The following B3GAT2 variants were observed in gnomAD, a reference collection of about 807,000 sequenced individuals.
The protein encoded by B3GAT2 is galactosylgalactosylxylosylprotein 3-beta-glucuronosyltransferase 2.
B3GAT2 carries 26 observed loss-of-function variants against 27.8 expected under a neutral mutation model. The observed-to-expected ratio is 0.93, with a 90% CI of 0.68 to 1.30. The LOEUF is 1.30. Among genes scored for constraint, B3GAT2 ranks in the 50% most tolerant of loss-of-function variants. The pLI is 0.00. For missense variants in B3GAT2, 458 were observed against 459.0 expected, an observed-to-expected ratio of 1.00 and a Z score of 0.02; for synonymous variants, 218 against 195.1, an observed-to-expected ratio of 1.12 and a Z score of -0.98.
intron 1 of B3GAT2, among the ~76,000 whole-genome samples, chr6:70,946,727 G>T (rs191864553): frequency 6.6e-6 from 1 of 152,052 alleles, no homozygotes; most frequent in South Asian, 2.1e-4. Context: ...TGCACCAAGC[G>T]GACCTAATAC....
At chr6:70,883,095 T>C (rs1421035351) in intron 2 of B3GAT2, among the ~76,000 whole-genome samples, 1 of 152,168 alleles carries the variant, frequency 6.6e-6, no homozygotes, top group African/African-American at 2.4e-5. Context: ...AGTGAGGATA[T>C]GGAGAATCTG....
rs1043161669 is a variant in B3GAT2, at chr6:70,937,141, G to A, written c.591+18698C>T. On this transcript the variant is annotated intron_variant, in intron 1 of 3. Coordinates refer to ENST00000230053, the MANE Select transcript of B3GAT2 (RefSeq NM_080742.3). ...ATAAACACCTCTACGCAAATAAACT[G>A]GAAAATCTAGAAGAAATGGATAAAT... Among the ~76,000 whole-genome samples, 24 of 152,052 alleles carry A rather than the reference G, an allele frequency of 1.6e-4. 1 individual carries two copies. Among genetic ancestry groups the A allele is most frequent in the Admixed American group, 9.2e-4 (14 of 15,256 alleles).
intron 2 of B3GAT2, among the ~76,000 whole-genome samples, chr6:70,890,928 A>G (rs1449986941): frequency 6.6e-6 from 1 of 152,224 alleles, no homozygotes; most frequent in East Asian, 1.9e-4. Context: ...GAAAATTCCT[A>G]ATAAATATCT....
chr6:70,948,654 G>A (rs1175264066), intron 1 of B3GAT2, among the ~76,000 whole-genome samples: 3 of 151,128 alleles, frequency 2.0e-5, no homozygotes, highest in Non-Finnish European at 4.5e-5. Context: ...TGGCCATACT[G>A]CCCAAGGTAA....
In B3GAT2 at chr6:70,859,296, C is replaced by T; in HGVS notation, c.*2367G>A. On this transcript the variant is annotated 3_prime_UTR_variant, in exon 4 of 4. Coordinates refer to ENST00000230053, the MANE Select transcript of B3GAT2 (RefSeq NM_080742.3). ...GCTCAGGTTAAGGTGCTAGATGAAC[C>T]AGGAAGGAGTTAATACTGGCTCTTA... 1.3e-6 allele frequency: 2 copies of T among 1,490,844 alleles called. No individual in the cohort carries two copies. Among genetic ancestry groups the T allele is most frequent in the South Asian group, 1.3e-5 (1 of 78,670 alleles). 92.4% of individuals were successfully genotyped at this position (1,490,844 alleles called of 1,614,324 possible).
chr6:70,868,702 T>C (rs928981698), intron 2 of B3GAT2, among the ~76,000 whole-genome samples: 1 of 152,084 alleles, frequency 6.6e-6, no homozygotes, highest in African/African-American at 2.4e-5. Context: ...TATCAGGTAA[T>C]TTCAAAAGCC....
chr6:70,892,075 C>G (rs544493570), intron 2 of B3GAT2, among the ~76,000 whole-genome samples: 1 of 152,166 alleles, frequency 6.6e-6, no homozygotes, highest in East Asian at 1.9e-4. Context: ...AAGTTGTCTC[C>G]TTAGAGACAC....
chr6:70,904,980 G>A (rs954294383), intron 1 of B3GAT2, among the ~76,000 whole-genome samples: 1 of 152,146 alleles, frequency 6.6e-6, no homozygotes, highest in African/African-American at 2.4e-5. Flanking sequence ...CAAAGAGGAA[G>A]ACAATATAAC....
chr6:70,871,022 C>T (rs759846463), intron 2 of B3GAT2, among the ~76,000 whole-genome samples: 1 of 151,748 alleles, frequency 6.6e-6, no homozygotes, highest in Non-Finnish European at 1.5e-5. Flanking sequence ...AGCTTTTGTT[C>T]TTTATTGTAT....
chr6:70,859,543 A>G lies in B3GAT2; in HGVS notation c.*2120T>C. 1.7e-6 allele frequency: 1 copy of G among 600,858 alleles called. No homozygotes were observed. Among genetic ancestry groups the G allele is most frequent in the Non-Finnish European group, 2.7e-6 (1 of 364,230 alleles). 37.2% of individuals were successfully genotyped at this position (600,858 alleles called of 1,614,324 possible). ...AAATTAAGAACACAGTCTAACTCTGAGTGTAAGTTTTAAACCCACTCACTA... is the reference window on the plus strand; with the variant it reads ...AAATTAAGAACACAGTCTAACTCTGGGTGTAAGTTTTAAACCCACTCACTA... On this transcript the variant is annotated 3_prime_UTR_variant, in exon 4 of 4. Transcript: ENST00000230053.
intron 1 of B3GAT2, among the ~76,000 whole-genome samples, chr6:70,936,067 G>A (rs552730338): frequency 3.3e-5 from 5 of 151,396 alleles, no homozygotes; most frequent in African/African-American, 4.9e-5. Flanking sequence ...GATCTACCAA[G>A]CAAATGGAAA....
intron 1 of B3GAT2, among the ~76,000 whole-genome samples, chr6:70,898,736 C>A (rs534446324): frequency 2.0e-5 from 3 of 152,142 alleles, no homozygotes; most frequent in Non-Finnish European, 2.9e-5. Flanking sequence ...TAAGATTGTG[C>A]CCTGCACACA....
chr6:70,894,469 G>A (rs886102617), intron 1 of B3GAT2, among the ~76,000 whole-genome samples, 197 bp from the exon 2 acceptor site: 9 of 152,116 alleles, frequency 5.9e-5, no homozygotes, highest in Non-Finnish European at 8.8e-5. Context: ...ATCTCTACTC[G>A]GTCATAAATT....
In B3GAT2 at chr6:70,861,587, C is replaced by G; in HGVS notation, c.*76G>C. 3 of 1,349,092 alleles carry G rather than the reference C, an allele frequency of 2.2e-6. No individual in the cohort carries two copies. The highest frequency in any genetic ancestry group is 3.1e-6 in the Non-Finnish European group (3 of 954,496). The allele number at this position is 1,349,092 out of a possible 1,614,324, so 83.6% of individuals were successfully genotyped here. A position where few individuals can be genotyped will look rare whatever the true frequency, so the allele number is the denominator to read the frequency against. ...GTAAAACAAACAATACCTGAATGCT[C>G]TGTAGCCTAAACTCCAAACATCCTC... On this transcript the variant is annotated 3_prime_UTR_variant, in exon 4 of 4. Coordinates refer to ENST00000230053, the MANE Select transcript of B3GAT2 (RefSeq NM_080742.3).
At chr6:70,909,140 ACTCT>A (rs112150415) in intron 1 of B3GAT2, among the ~76,000 whole-genome samples, 6 of 151,964 alleles carry the variant, frequency 3.9e-5, no homozygotes, top group Non-Finnish European at 5.9e-5. Flanking sequence ...ACATTCACAC[ACTCT>A]CTCTCTCTCA....
At chr6:70,874,102 A>G (rs1433278648) in intron 2 of B3GAT2, among the ~76,000 whole-genome samples, 2 of 152,138 alleles carry the variant, frequency 1.3e-5, no homozygotes, top group Admixed American at 6.6e-5. Flanking sequence ...TGTATTGGTC[A>G]TGCTTTCTTG....
chr6:70,868,482 TTC>T (rs1771886806), intron 2 of B3GAT2, among the ~76,000 whole-genome samples: 1 of 152,244 alleles, frequency 6.6e-6, no homozygotes, highest in Non-Finnish European at 1.5e-5. Flanking sequence ...CACTGCCACA[TTC>T]TCTCTTCTCC....
intron 1 of B3GAT2, among the ~76,000 whole-genome samples, chr6:70,915,016 C>T (rs111972251): frequency 5.3e-5 from 8 of 152,276 alleles, no homozygotes; most frequent in African/African-American, 1.9e-4. Context: ...ATTTACACTC[C>T]CACCAACAGT....
intron 2 of B3GAT2, 74 bp downstream of exon 2, chr6:70,894,054 A>C (rs1194318054): frequency 1.4e-6 from 2 of 1,396,720 alleles, no homozygotes; most frequent in Non-Finnish European, 1.9e-6. Flanking sequence ...AGCTTCCTTC[A>C]TCTAGTGCAT....
Sources: allele counts gnomAD v4.1 joint callset (sites outside exome capture counted in the v4.1 genomes callset), GRCh38; gene constraint gnomAD v4.1.1; transcripts MANE v1.5; gene names NCBI Gene and HGNC (gene_info 2026-07-23, HGNC 2026-07-21).